Variants in DDX17 observed in about 807,000 individuals in gnomAD.
DDX17 encodes DEAD-box helicase 17.
Under a neutral mutation model 80.8 loss-of-function variants are expected in DDX17, and 10 were observed. That is an observed-to-expected ratio of 0.12 (90% CI 0.08 to 0.21). The LOEUF is 0.21. DDX17 is among the 10% of genes least tolerant of loss of function. The pLI is 1.00. For missense variants in DDX17, 586 were observed against 957.4 expected (o/e 0.61, Z 5.12); for synonymous variants, 339 against 336.2 (o/e 1.01, Z -0.09).
At chr22:38,500,984 A>AG in intron 2 of DDX17, 146 bp downstream of exon 2, 1 of 1,158,838 alleles carries the variant, frequency 8.6e-7, no homozygotes, top group Non-Finnish European at 1.2e-6. Flanking sequence ...GAAAAAAAAA[A>AG]AAAAATTAAC....
chr22:38,499,271 T>G (rs2089802656), intron 3 of DDX17, 129 bp downstream of exon 3: 2 of 697,226 alleles, frequency 2.9e-6, no homozygotes. Flanking sequence ...ACAGAACTGA[T>G]GACCATAAAA....
intron 5 of DDX17, among the ~76,000 whole-genome samples, chr22:38,497,695 G>A (rs956187142): frequency 2.6e-5 from 4 of 151,090 alleles, no homozygotes; most frequent in South Asian, 2.1e-4. Flanking sequence ...GGGAGGGCAA[G>A]GTGGGCTGAT....
rs1016891266 is a variant in DDX17 at position 38,495,780 on chromosome 22, C to T, written c.880+16G>A. 9 of 1,524,056 alleles carry T rather than the reference C, an allele frequency of 5.9e-6. No homozygotes were observed. In the African/African-American group the frequency reaches 1.1e-4, roughly 19 times the overall value. The allele number at this position is 1,524,056 out of a possible 1,614,324, so 94.4% of individuals were successfully genotyped here. ...GTAAGATAAACTAACAATTCTTTTA[C>T]ACTATATATTATTACCTCTTTCCAA... On this transcript the variant is annotated intron_variant, in intron 6 of 12. Coordinates refer to ENST00000403230, the MANE Select transcript of DDX17 (RefSeq NM_006386.5).
chr22:38,506,271 T>C lies in DDX17; in HGVS notation c.-34A>G, dbSNP rs371025043. On this transcript the variant is annotated 5_prime_UTR_variant, in exon 1 of 13. Transcript: ENST00000403230. Reference sequence around the variant, plus strand: ...ACGCTCAAACCGGGCAGTGCCGCGGTTTAGGCGTCTCCTTCCTTCCCAGCG... The same window carrying C: ...ACGCTCAAACCGGGCAGTGCCGCGGCTTAGGCGTCTCCTTCCTTCCCAGCG... 140 of 1,550,810 alleles carry C rather than the reference T, an allele frequency of 9.0e-5. 1 individual carries two copies. The highest frequency in any genetic ancestry group is 2.4e-5 in the East Asian group (1 of 42,294).
At chr22:38,505,859 C>T (rs1043892601) in intron 1 of DDX17, 92 bp downstream of exon 1, 211 of 1,454,378 alleles carry the variant, frequency 1.5e-4, no homozygotes, top group Non-Finnish European at 1.8e-4. Flanking sequence ...GGGTCGAGAG[C>T]AAGGCTCCCA....
chr22:38,491,225 G>T (rs2145691675), intron 11 of DDX17: 1 of 152,278 alleles, frequency 6.6e-6, no homozygotes, highest in African/African-American at 2.4e-5. Flanking sequence ...TTGAATACCT[G>T]TTCTCTTTAT....
chr22:38,498,932 AAC>A (rs1182612615), intron 3 of DDX17, among the ~76,000 whole-genome samples: 1 of 152,186 alleles, frequency 6.6e-6, no homozygotes, highest in African/African-American at 2.4e-5. Context: ...GAATCGCATG[AAC>A]CCAGGAGGCA....
At chr22:38,496,805 C>G (rs2089772537) in intron 5 of DDX17, among the ~76,000 whole-genome samples, 1 of 152,040 alleles carries the variant, frequency 6.6e-6, no homozygotes, top group African/African-American at 2.4e-5. Context: ...CCAAATAATA[C>G]AAAAATCAAG....
At chr22:38,505,919 G>A (rs1231681470) in intron 1 of DDX17, 32 bp downstream of exon 1, 65 of 1,053,704 alleles carry the variant, frequency 6.2e-5, no homozygotes, top group East Asian at 3.7e-4. Flanking sequence ...CCACCCCCAC[G>A]CCAGGCCTCT....
chr22:38,498,167 GAATGACAACCT>G lies in DDX17; in HGVS notation c.673-28_673-18del. On this transcript the variant is annotated intron_variant, in intron 4 of 12. Transcript: ENST00000403230. ...CAGGAGATACTGTGGAGGGGGGAAA[GAATGACAACCT>G]TACGCTTAGAAGTACAATCTTACTT... The G allele has an allele frequency of 6.2e-7, 1 of 1,612,374 alleles. No individual in the cohort carries two copies. Among genetic ancestry groups the G allele is most frequent in the Non-Finnish European group, 8.5e-7 (1 of 1,178,722 alleles).
chr22:38,498,408 A>G, intron 4 of DDX17, 32 bp downstream of exon 4: 1 of 1,612,072 alleles, frequency 6.2e-7, no homozygotes. Flanking sequence ...AAGTTACCAC[A>G]ATATCAAGGA....
At chr22:38,491,875 T>TA (rs1212786116) in intron 11 of DDX17, 181 bp downstream of exon 11, 10 of 416,384 alleles carry the variant, frequency 2.4e-5, no homozygotes, top group Admixed American at 6.8e-5. Context: ...AAACCAAAGT[T>TA]AAAAAAAATT....
chr22:38,505,734 A>T, intron 1 of DDX17: 1 of 549,676 alleles, frequency 1.8e-6, no homozygotes, highest in Non-Finnish European at 3.1e-6. Flanking sequence ...GGCCGTCCGC[A>T]CGGAGAGGCC....
intron 12 of DDX17, among the ~76,000 whole-genome samples, chr22:38,487,663 GAA>G (rs376495021): frequency 2.0e-5 from 3 of 151,330 alleles, no homozygotes; most frequent in African/African-American, 7.3e-5. Context: ...CAGTCTCTAA[GAA>G]AAAAAAATTC....
intron 10 of DDX17, among the ~76,000 whole-genome samples, chr22:38,492,383 C>T (rs1027962075): frequency 1.4e-4 from 21 of 152,092 alleles, no homozygotes; most frequent in African/African-American, 4.8e-4. Context: ...AGTTATTTCC[C>T]AAATGAGACA....
Position 38,489,842 on chromosome 22 carries a change from A to G in DDX17, c.1448-1727T>C. 1 of 985,988 alleles carries G rather than the reference A, an allele frequency of 1.0e-6. No homozygotes were observed. Among genetic ancestry groups the G allele is most frequent in the Non-Finnish European group, 1.2e-6 (1 of 830,380 alleles). 61.1% of individuals were successfully genotyped at this position (985,988 alleles called of 1,614,324 possible). A position where few individuals can be genotyped will look rare whatever the true frequency, so the allele number is the denominator to read the frequency against. The stretch of plus-strand genomic sequence containing the variant: ...AATTTACAGGGCCAGGGTGGATGTA[A>G]GACAGGGGGTGGGGAATTCTACTCC... On this transcript the variant is annotated intron_variant, in intron 11 of 12. Coordinates refer to ENST00000403230, the MANE Select transcript of DDX17 (RefSeq NM_006386.5). The surrounding 1 kb of genome is among the most constrained non-coding windows in gnomAD (Gnocchi z 4.6).
chr22:38,484,524 A>T lies in DDX17; in HGVS notation c.*1411T>A, dbSNP rs1002107112. 1 of 152,254 alleles carries T rather than the reference A, an allele frequency of 6.6e-6. No individual in the cohort carries two copies. Among genetic ancestry groups the T allele is most frequent in the Non-Finnish European group, 1.5e-5 (1 of 68,048 alleles). 9.4% of individuals were successfully genotyped at this position (152,254 alleles called of 1,614,324 possible). On this transcript the variant is annotated 3_prime_UTR_variant, in exon 13 of 13. Transcript: ENST00000403230. Reference sequence around the variant, plus strand: ...CCTTCCCCCTTCAACTGCATTGTGAATGAATACCAATTAACAGCATAAAAA... The same window carrying T: ...CCTTCCCCCTTCAACTGCATTGTGATTGAATACCAATTAACAGCATAAAAA...
chr22:38,489,403 T>A lies in DDX17; in HGVS notation c.1448-1288A>T. 1.0e-6 allele frequency: 1 copy of A among 985,790 alleles called. No individual in the cohort carries two copies. The highest frequency in any genetic ancestry group is 1.2e-6 in the Non-Finnish European group (1 of 829,932). The allele number at this position is 985,790 out of a possible 1,614,324, so 61.1% of individuals were successfully genotyped here. A position where few individuals can be genotyped will look rare whatever the true frequency, so the allele number is the denominator to read the frequency against. ...GAAGTCCCCACACACGCTCGCTCTGTGAACTGGCTTAGATGCTTCTCTGTA... is the reference window on the plus strand; with the variant it reads ...GAAGTCCCCACACACGCTCGCTCTGAGAACTGGCTTAGATGCTTCTCTGTA... On this transcript the variant is annotated intron_variant, in intron 11 of 12. Transcript: ENST00000403230. The surrounding 1 kb of genome is among the most constrained non-coding windows in gnomAD (Gnocchi z 4.6).
chr22:38,496,486 A>T (rs559935750), intron 5 of DDX17, among the ~76,000 whole-genome samples: 54 of 152,228 alleles, frequency 3.5e-4, no homozygotes, highest in South Asian at 8.3e-4. Context: ...AGTAGCTGGG[A>T]CTAGAGGCAG....
Sources: gnomAD v4.1 joint callset for allele counts (sites outside exome capture counted in the v4.1 genomes callset) on GRCh38, gnomAD v4.1.1 for gene constraint, Gnocchi (gnomAD v3.1) non-coding constraint, MANE v1.5 for transcripts, NCBI Gene and HGNC (gene_info 2026-07-23, HGNC 2026-07-21) for gene names.